The following IMMP2L variants were observed in gnomAD, a reference collection of about 807,000 sequenced individuals.
IMMP2L encodes mitochondrial inner membrane protease subunit 2.
A neutral mutation model predicts 19.3 loss-of-function variants in IMMP2L; 18 were observed. The observed-to-expected ratio is 0.93, with a 90% confidence interval of 0.64 to 1.38. IMMP2L has a LOEUF of 1.38. IMMP2L is among the 40% of genes most tolerant of loss of function. IMMP2L has a pLI of 0.00. For synonymous variants in IMMP2L, 76 were observed against 73.0 expected, an observed-to-expected ratio of 1.04 and a Z score of -0.21; for missense variants, 233 against 218.2, an observed-to-expected ratio of 1.07 and a Z score of -0.43.
At position 110,889,943 on chromosome 7, in the gene IMMP2L, C is replaced by T. The variant is rs556387155; in HGVS notation, c.306-3248G>A. Among the ~76,000 whole-genome samples, 104 of 152,210 alleles carry T rather than the reference C, an allele frequency of 6.8e-4. 1 individual carries two copies. Among genetic ancestry groups the T allele is most frequent in the African/African-American group, 2.3e-3 (96 of 41,520 alleles). ...GAGACTGTTTTTAATTTAAGTAAAG[C>T]GCTGAGTATAGTTCTGATGTATAGT... On this transcript the variant is annotated intron_variant, in intron 4 of 5. Coordinates refer to ENST00000405709, the MANE Select transcript of IMMP2L (RefSeq NM_032549.4).
At chr7:111,162,730 G>A (rs1405981920) in intron 3 of IMMP2L, among the ~76,000 whole-genome samples, 1 of 150,934 alleles carries the variant, frequency 6.6e-6, no homozygotes, top group Non-Finnish European at 1.5e-5. Flanking sequence ...ACTTTCTCCT[G>A]ACCAAACTCT....
intron 3 of IMMP2L, among the ~76,000 whole-genome samples, chr7:111,031,407 T>TGTGTGTAA (rs147571783): frequency 0.11 from 16,230 of 147,090 alleles, 1,062 homozygotes; most frequent in African/African-American, 0.17. Context: ...TGTGTGTGTG[T>TGTGTGTAA]GAGAGAAAGA....
intron 4 of IMMP2L, among the ~76,000 whole-genome samples, chr7:110,958,848 G>A (rs1204360441): frequency 6.6e-6 from 1 of 151,990 alleles, no homozygotes; most frequent in Non-Finnish European, 1.5e-5. Flanking sequence ...TGGGGCAAAA[G>A]CCAATCAAAG....
chr7:111,294,393 A>G (rs1342439386), intron 3 of IMMP2L, among the ~76,000 whole-genome samples: 1 of 151,936 alleles, frequency 6.6e-6, no homozygotes, highest in South Asian at 2.1e-4. Flanking sequence ...TTGTCAAACA[A>G]AAGTAAACAT....
At chr7:110,751,695 G>C (rs1441322660) in intron 5 of IMMP2L, among the ~76,000 whole-genome samples, 1 of 151,870 alleles carries the variant, frequency 6.6e-6, no homozygotes, top group Admixed American at 6.6e-5. Context: ...CTAAAGATAG[G>C]TTTGTTTAAG....
intron 3 of IMMP2L, among the ~76,000 whole-genome samples, chr7:111,412,718 T>A (rs1426745794): frequency 6.6e-6 from 1 of 151,752 alleles, no homozygotes; most frequent in African/African-American, 2.4e-5. Flanking sequence ...ATCAATTTAA[T>A]CAATTAAATA....
chr7:111,158,154 CAA>C (rs10551447), intron 3 of IMMP2L, among the ~76,000 whole-genome samples: 2,783 of 151,844 alleles, frequency 0.018, 78 homozygotes, highest in African/African-American at 0.06. Context: ...ATTCCAGAAG[CAA>C]AAACACATTT....
At chr7:110,700,939 GC>G (rs1794242582) in intron 5 of IMMP2L, among the ~76,000 whole-genome samples, 1 of 152,052 alleles carries the variant, frequency 6.6e-6, no homozygotes, top group Non-Finnish European at 1.5e-5. Context: ...ATGAATATTT[GC>G]AGTATATTTA....
chr7:111,282,794 G>T (rs908010822), intron 3 of IMMP2L, among the ~76,000 whole-genome samples: 4 of 152,082 alleles, frequency 2.6e-5, no homozygotes, highest in African/African-American at 9.7e-5. Context: ...ATGTTGGCCA[G>T]GCTGGTCTCA....
intron 3 of IMMP2L, among the ~76,000 whole-genome samples, chr7:111,132,635 A>G (rs1483940568): frequency 6.6e-6 from 1 of 151,992 alleles, no homozygotes; most frequent in Admixed American, 6.6e-5. Flanking sequence ...GGTTCTTAGG[A>G]GTTCTACTTT....
At chr7:111,381,646 G>C (rs963124012) in intron 3 of IMMP2L, among the ~76,000 whole-genome samples, 8 of 151,890 alleles carry the variant, frequency 5.3e-5, no homozygotes, top group Non-Finnish European at 7.4e-5. Context: ...AGAGAGGACA[G>C]TCTCAGCCAG....
intron 3 of IMMP2L, among the ~76,000 whole-genome samples, chr7:110,972,436 T>C (rs551868888): frequency 6.6e-6 from 1 of 152,258 alleles, no homozygotes; most frequent in East Asian, 1.9e-4. Context: ...TGCATATGTT[T>C]CTAAGTCTTC....
At chr7:111,393,903 G>A (rs1022278448) in intron 3 of IMMP2L, among the ~76,000 whole-genome samples, 3 of 152,062 alleles carry the variant, frequency 2.0e-5, no homozygotes, top group Non-Finnish European at 4.4e-5. Context: ...CCCAAAGATA[G>A]CCAAGAGATC....
rs188423106 is a variant in IMMP2L at position 111,502,082 on chromosome 7, G to A, written c.136-14741C>T. On this transcript the variant is annotated intron_variant, in intron 2 of 5. Coordinates refer to ENST00000405709, the MANE Select transcript of IMMP2L (RefSeq NM_032549.4). ...GCTGTATTCAGGAAACCCATCTCACGTGCAGAGACACACATAGGCTCAAAA... is the reference window on the plus strand; with the variant it reads ...GCTGTATTCAGGAAACCCATCTCACATGCAGAGACACACATAGGCTCAAAA... Among the ~76,000 whole-genome samples, 361 of 152,128 alleles carry A rather than the reference G, an allele frequency of 2.4e-3. 2 individuals are homozygous for A. Among genetic ancestry groups the A allele is most frequent in the African/African-American group, 8.3e-3 (344 of 41,528 alleles).
At chr7:111,231,646 T>C (rs1813727332) in intron 3 of IMMP2L, among the ~76,000 whole-genome samples, 1 of 152,008 alleles carries the variant, frequency 6.6e-6, no homozygotes, top group Non-Finnish European at 1.5e-5. Context: ...TTCATGACTA[T>C]TTTATCTACC....
intron 1 of IMMP2L, among the ~76,000 whole-genome samples, chr7:111,541,383 T>C (rs1848493586): frequency 6.6e-6 from 1 of 152,196 alleles, no homozygotes; most frequent in African/African-American, 2.4e-5. Context: ...GGTAGTTGGG[T>C]AATATGGGAA....
intron 5 of IMMP2L, among the ~76,000 whole-genome samples, chr7:110,831,991 C>T (rs191182078): frequency 3.3e-4 from 51 of 152,278 alleles, no homozygotes; most frequent in African/African-American, 1.2e-3. Context: ...GGGCTGGGCG[C>T]GGTGGCTCAC....
At chr7:110,927,425 T>G (rs939631258) in intron 4 of IMMP2L, among the ~76,000 whole-genome samples, 1 of 152,116 alleles carries the variant, frequency 6.6e-6, no homozygotes, top group Non-Finnish European at 1.5e-5. Flanking sequence ...GGGTTGGAGA[T>G]GGAATTAAGT....
intron 4 of IMMP2L, among the ~76,000 whole-genome samples, chr7:110,940,924 G>T (rs1816674125): frequency 6.6e-6 from 1 of 152,158 alleles, no homozygotes; most frequent in African/African-American, 2.4e-5. Context: ...CAGCCACATT[G>T]CTTGCTGATA....
Sources: allele counts gnomAD v4.1 joint callset (sites outside exome capture counted in the v4.1 genomes callset), GRCh38; gene constraint gnomAD v4.1.1; transcripts MANE v1.5; gene names NCBI Gene and HGNC (gene_info 2026-07-23, HGNC 2026-07-21).